RPTOR: variants seen among roughly 807,000 people sequenced by gnomAD.
RPTOR encodes regulatory-associated protein of mTOR.
RPTOR carries 21 observed loss-of-function variants against 169.9 expected under a neutral mutation model. That is an observed-to-expected ratio of 0.12 (90% CI 0.09 to 0.18). RPTOR has a LOEUF of 0.18. Among genes scored for constraint, RPTOR ranks in the 10% least tolerant of loss-of-function variants. The probability of loss-of-function intolerance (pLI) is 1.00; values close to 1 mark genes in which losing one functional copy is unlikely to be tolerated. For missense variants in RPTOR, 1,133 were observed against 1,855.9 expected, an observed-to-expected ratio of 0.61 and a Z score of 7.16; for synonymous variants, 732 against 753.2, an observed-to-expected ratio of 0.97 and a Z score of 0.46.
Position 80,708,381 on chromosome 17 carries a change from T to G in RPTOR, c.507+382T>G, listed in dbSNP as rs566400280. Among the ~76,000 whole-genome samples, 45 of 152,222 alleles carry G rather than the reference T, an allele frequency of 3.0e-4. No individual in the cohort carries two copies. Among genetic ancestry groups the G allele is most frequent in the Admixed American group, 1.2e-3 (19 of 15,290 alleles). ...TCGGTGATTTTCTTAGAAAATAAAG[T>G]GTTTTATATATTCTAAAGGGCTAAT... On this transcript the variant is annotated intron_variant, in intron 4 of 33. Coordinates refer to ENST00000306801, the MANE Select transcript of RPTOR (RefSeq NM_020761.3). This position sits in a 1 kb window ranked among gnomAD's most constrained non-coding sequence, Gnocchi z 4.2.
chr17:80,782,814 C>G (rs2066955007), intron 6 of RPTOR, among the ~76,000 whole-genome samples: 1 of 152,218 alleles, frequency 6.6e-6, no homozygotes, highest in African/African-American at 2.4e-5. Context: ...CCCATCTTAG[C>G]TCTGTCGGTA....
At position 80,746,664 on chromosome 17, in the gene RPTOR, G is replaced by T. The variant is rs1334470951; in HGVS notation, c.655-7346G>T. 6.6e-6 allele frequency among the ~76,000 whole-genome samples: 1 copy of T among 152,076 alleles called. No individual in the cohort carries two copies. Among genetic ancestry groups the T allele is most frequent in the Non-Finnish European group, 1.5e-5 (1 of 68,012 alleles). On this transcript the variant is annotated intron_variant, in intron 5 of 33. Coordinates refer to ENST00000306801, the MANE Select transcript of RPTOR (RefSeq NM_020761.3). This position sits in a 1 kb window ranked among gnomAD's most constrained non-coding sequence, Gnocchi z 4.5. ...TGCTGTTTGGGAAAACCATGGCTCT[G>T]GGCTGGAATTGGTCACTTTTAGGCC... is the stretch of plus-strand genomic sequence containing the variant.
chr17:80,832,086 C>T (rs2067511581), intron 9 of RPTOR, among the ~76,000 whole-genome samples: 1 of 152,228 alleles, frequency 6.6e-6, no homozygotes, highest in African/African-American at 2.4e-5. Context: ...ATGCAGCCAA[C>T]ACCGCTCTTG....
At chr17:80,855,322 G>A in intron 11 of RPTOR, 142 bp from the exon 12 acceptor site, 1 of 641,816 alleles carries the variant, frequency 1.6e-6, no homozygotes, top group Non-Finnish European at 2.8e-6. Context: ...AAGGAAAGGA[G>A]CACCAGCTCT....
At chr17:80,807,851 T>C (rs2672886) in intron 7 of RPTOR, among the ~76,000 whole-genome samples, 80,411 of 152,020 alleles carry the variant, frequency 0.53, 23,127 homozygotes, top group African/African-American at 0.77. Context: ...AAGGTCTCTG[T>C]CTCATAGTCT....
chr17:80,883,553 G>A (rs2068209221), intron 15 of RPTOR, 69 bp downstream of exon 15: 1 of 1,499,534 alleles, frequency 6.7e-7, no homozygotes, highest in African/African-American at 1.4e-5. Context: ...GGCCCACTGT[G>A]AAACGTGGTG....
At chr17:80,920,887 T>C (rs1393255390) in intron 21 of RPTOR, among the ~76,000 whole-genome samples, 1 of 152,254 alleles carries the variant, frequency 6.6e-6, no homozygotes, top group Non-Finnish European at 1.5e-5. Flanking sequence ...ATCATATGTC[T>C]GGCAGGTTCT....
At chr17:80,640,456 T>C (rs570738010) in intron 2 of RPTOR, among the ~76,000 whole-genome samples, 2 of 152,220 alleles carry the variant, frequency 1.3e-5, no homozygotes, top group African/African-American at 2.4e-5. Flanking sequence ...TCCCACCCAC[T>C]GCCCTATTCT....
intron 3 of RPTOR, among the ~76,000 whole-genome samples, chr17:80,672,330 G>A (rs971654860): frequency 5.3e-5 from 8 of 150,904 alleles, no homozygotes; most frequent in South Asian, 2.1e-4. Flanking sequence ...GCAAGGCCTC[G>A]GGCTCCTCCT....
chr17:80,869,290 G>A (rs1024427461), intron 13 of RPTOR, among the ~76,000 whole-genome samples: 1 of 152,130 alleles, frequency 6.6e-6, no homozygotes, highest in African/African-American at 2.4e-5. Context: ...CTCCCGAGTA[G>A]CTAGGACTAC....
Position 80,823,063 on chromosome 17 carries a change from T to C in RPTOR, c.992-16T>C. 1 of 1,612,214 alleles carries C rather than the reference T, an allele frequency of 6.2e-7. No homozygotes were observed. The highest frequency in any genetic ancestry group is 8.5e-7 in the Non-Finnish European group (1 of 1,179,240). On this transcript the variant is annotated splice_polypyrimidine_tract_variant and intron_variant, in intron 8 of 33. Coordinates refer to ENST00000306801, the MANE Select transcript of RPTOR (RefSeq NM_020761.3). This position sits in a 1 kb window ranked among gnomAD's most constrained non-coding sequence, Gnocchi z 4.5. ...AAGTCACTGTAGACTCCTTTTTATCTTTTATCTGCCCTCAGATCTCTTCCA... is the reference window on the plus strand; with the variant it reads ...AAGTCACTGTAGACTCCTTTTTATCCTTTATCTGCCCTCAGATCTCTTCCA...
chr17:80,730,754 T>TC lies in RPTOR; in HGVS notation c.654+51dup. 12 of 721,622 alleles carry TC rather than the reference T, an allele frequency of 1.7e-5. No individual in the cohort carries two copies. The highest frequency in any genetic ancestry group is 1.5e-5 in the Non-Finnish European group (7 of 457,676). The allele number at this position is 721,622 out of a possible 1,614,324, so 44.7% of individuals were successfully genotyped here. ...AGCGGTGCTGGGTTTGGTTTTGTTTTCCCTGGGGGTGGGGTTTGGGTGGGG... is the reference window on the plus strand; with the variant it reads ...AGCGGTGCTGGGTTTGGTTTTGTTTTCCCCTGGGGGTGGGGTTTGGGTGGGG... On this transcript the variant is annotated intron_variant, in intron 5 of 33. Transcript: ENST00000306801. This position sits in a 1 kb window ranked among gnomAD's most constrained non-coding sequence, Gnocchi z 4.2.
chr17:80,747,279 C>T (rs1384888078), intron 5 of RPTOR, among the ~76,000 whole-genome samples: 1 of 152,188 alleles, frequency 6.6e-6, no homozygotes, highest in African/African-American at 2.4e-5. Flanking sequence ...AAGAGCTCTC[C>T]TGTGTACTCG....
At chr17:80,568,543 G>A (rs1450403998) in intron 1 of RPTOR, among the ~76,000 whole-genome samples, 1 of 152,192 alleles carries the variant, frequency 6.6e-6, no homozygotes, top group Non-Finnish European at 1.5e-5. Flanking sequence ...GTACCTTGGT[G>A]TAGTTTTCTT....
chr17:80,612,818 T>G (rs2143491514), intron 1 of RPTOR, among the ~76,000 whole-genome samples: 1 of 152,232 alleles, frequency 6.6e-6, no homozygotes, highest in East Asian at 1.9e-4. Context: ...CAGTGAACCG[T>G]GATCACGCCA....
rs1228285544 is a variant in RPTOR, at chr17:80,803,762, A to T, written c.890+12253A>T. On this transcript the variant is annotated intron_variant, in intron 7 of 33. Transcript: ENST00000306801. This position sits in a 1 kb window ranked among gnomAD's most constrained non-coding sequence, Gnocchi z 6.2. ...ATCCTGATCAGGGGAAGAAACGCAC[A>T]TAAGAGGAGTGTGAATGTACCAGGA... 2 of 152,312 alleles carry T rather than the reference A, an allele frequency of 1.3e-5. No individual in the cohort carries two copies. Among genetic ancestry groups the T allele is most frequent in the African/African-American group, 2.4e-5 (1 of 41,470 alleles). 9.4% of individuals were successfully genotyped at this position (152,312 alleles called of 1,614,324 possible).
rs7226021 is a variant in RPTOR at position 80,845,792 on chromosome 17, C to T, written c.1213-681C>T. On this transcript the variant is annotated intron_variant, in intron 10 of 33. Coordinates refer to ENST00000306801, the MANE Select transcript of RPTOR (RefSeq NM_020761.3). This position sits in a 1 kb window ranked among gnomAD's most constrained non-coding sequence, Gnocchi z 5.4. ...CCCTGTCTCGAAACCCCTCTGGCTG[C>T]GCTTTTGCCCAACTCCAGAGCGTTC... Among the ~76,000 whole-genome samples the T allele has an allele frequency of 6.3e-3, 967 of 152,328 alleles. 20 individuals carry two copies. Among genetic ancestry groups the T allele is most frequent in the African/African-American group, 0.022 (922 of 41,578 alleles).
In RPTOR at chr17:80,936,740, A is replaced by G. The variant is rs1161017095; in HGVS notation, c.2920-3756A>G. ...CTGTACGTAAGTTACATCTTCATCA[A>G]CCTCATGTTGCGGGGAGAAGAAACT... is the stretch of plus-strand genomic sequence containing the variant. On this transcript the variant is annotated intron_variant, in intron 24 of 33. Coordinates refer to ENST00000306801, the MANE Select transcript of RPTOR (RefSeq NM_020761.3). This position sits in a 1 kb window ranked among gnomAD's most constrained non-coding sequence, Gnocchi z 4.1. Among the ~76,000 whole-genome samples, 1 of 152,184 alleles carries G rather than the reference A, an allele frequency of 6.6e-6. No homozygotes were observed. Among genetic ancestry groups the G allele is most frequent in the Non-Finnish European group, 1.5e-5 (1 of 68,032 alleles).
intron 20 of RPTOR, among the ~76,000 whole-genome samples, chr17:80,904,973 G>C (rs913964961): frequency 5.9e-5 from 9 of 152,278 alleles, no homozygotes; most frequent in South Asian, 2.1e-4. Flanking sequence ...ATAAGTGGAA[G>C]TCTGCACGAA....
Sources: allele counts gnomAD v4.1 joint callset (sites outside exome capture counted in the v4.1 genomes callset), GRCh38; gene constraint gnomAD v4.1.1; non-coding constraint Gnocchi (gnomAD v3.1); transcripts MANE v1.5; gene names NCBI Gene and HGNC (gene_info 2026-07-23, HGNC 2026-07-21).